Variants in SIN3A observed in about 807,000 individuals in gnomAD.
SIN3A encodes the protein SIN3 transcription regulator family member A.
SIN3A carries 14 observed loss-of-function variants against 146.1 expected under a neutral mutation model. The observed-to-expected ratio is 0.10, with a 90% CI of 0.06 to 0.15. The LOEUF (loss-of-function observed/expected upper bound fraction) is 0.15. Among genes scored for constraint, SIN3A ranks in the 10% least tolerant of loss-of-function variants. The pLI is 1.00. For synonymous variants in SIN3A, 572 were observed against 572.0 expected, an observed-to-expected ratio of 1.00 and a Z score of 0.00; for missense variants, 1,028 against 1,576.0, an observed-to-expected ratio of 0.65 and a Z score of 5.89.
At chr15:75,442,120 C>CAAAAAAAAAAAAAAAAAAAAAAAA (rs57418865) in intron 1 of SIN3A, among the ~76,000 whole-genome samples, 1 of 29,278 alleles carries the variant, frequency 3.4e-5, no homozygotes, top group Non-Finnish European at 5.3e-5. Context: ...GACTCTGTCT[C>CAAAAAAAAAAAAAAAAAAAAAAAA]AAAAAAAAAA....
Position 75,371,902 on chromosome 15 carries a change from T to C in SIN3A, c.*77A>G, listed in dbSNP as rs1384189958. On this transcript the variant is annotated 3_prime_UTR_variant, in exon 21 of 21. Transcript: ENST00000394947. ...TGAGGCTTGAAAGGCATCTTCCTTG[T>C]TTCTTCAGTGTGTGAGTGCATAGGC... The C allele has an allele frequency of 3.0e-6, 4 of 1,314,210 alleles. No homozygotes were observed. Among genetic ancestry groups the C allele is most frequent in the African/African-American group, 1.5e-5 (1 of 68,798 alleles). The allele number at this position is 1,314,210 out of a possible 1,614,324, so 81.4% of individuals were successfully genotyped here. A position where few individuals can be genotyped will look rare whatever the true frequency, so the allele number is the denominator to read the frequency against.
chr15:75,439,482 A>AGGCGCCTGCCAC (rs2074162580), intron 1 of SIN3A, among the ~76,000 whole-genome samples: 2 of 151,864 alleles, frequency 1.3e-5, no homozygotes, highest in Non-Finnish European at 2.9e-5. Context: ...CTGGGACTAC[A>AGGCGCCTGCCAC]GGCGCCTGCC....
At chr15:75,404,020 A>T (rs2073462138) in intron 9 of SIN3A, among the ~76,000 whole-genome samples, 1 of 152,262 alleles carries the variant, frequency 6.6e-6, no homozygotes, top group South Asian at 2.1e-4. Flanking sequence ...GATCAATGGC[A>T]TAGACAAAGT....
At chr15:75,412,477 T>C (rs2073659006) in intron 5 of SIN3A, among the ~76,000 whole-genome samples, 1 of 152,232 alleles carries the variant, frequency 6.6e-6, no homozygotes, top group South Asian at 2.1e-4. Flanking sequence ...TGTCAACTAC[T>C]ACTACACAAA....
At chr15:75,448,200 GAA>G (rs2074341090) in intron 1 of SIN3A, 1 of 150,810 alleles carries the variant, frequency 6.6e-6, no homozygotes, top group East Asian at 1.9e-4. Flanking sequence ...AAAGACATGA[GAA>G]AAAAAGACAT....
In SIN3A at chr15:75,375,594, A is replaced by AGACTCTGGGCC. The variant is rs1169092345; in HGVS notation, c.3591+60_3591+70dup. On this transcript the variant is annotated intron_variant, in intron 20 of 20. Transcript: ENST00000394947. ...GCATAAACAAAGAAAAACAATCAGA[A>AGACTCTGGGCC]GACTCTGGGCCTCCCCTGGTCCTAG... 4.1e-6 allele frequency: 5 copies of AGACTCTGGGCC among 1,208,112 alleles called. No homozygotes were observed. In the East Asian group the frequency reaches 9.3e-5, roughly 23 times the overall value. The allele number at this position is 1,208,112 out of a possible 1,614,324, so 74.8% of individuals were successfully genotyped here.
intron 2 of SIN3A, among the ~76,000 whole-genome samples, chr15:75,426,198 A>G (rs1371858854): frequency 1.3e-5 from 2 of 152,210 alleles, no homozygotes; most frequent in African/African-American, 4.8e-5. Flanking sequence ...CCCAAGGTAA[A>G]CAAGCAACTT....
At chr15:75,441,981 G>A (rs945231097) in intron 1 of SIN3A, among the ~76,000 whole-genome samples, 1 of 151,562 alleles carries the variant, frequency 6.6e-6, no homozygotes, top group Non-Finnish European at 1.5e-5. Context: ...TTAGCTGGGT[G>A]CAGTGGCACG....
chr15:75,374,747 C>T (rs1426102952), intron 20 of SIN3A, among the ~76,000 whole-genome samples: 1 of 152,214 alleles, frequency 6.6e-6, no homozygotes, highest in Non-Finnish European at 1.5e-5. Context: ...AAACACCCAT[C>T]CTCTACTCTT....
intron 1 of SIN3A, among the ~76,000 whole-genome samples, chr15:75,431,570 C>T (rs538724714): frequency 6.6e-6 from 1 of 152,128 alleles, no homozygotes; most frequent in Admixed American, 6.5e-5. Context: ...TAAGATACCA[C>T]TGCTATGGAA....
At chr15:75,374,158 C>T (rs749422493) in intron 20 of SIN3A, among the ~76,000 whole-genome samples, 3 of 152,120 alleles carry the variant, frequency 2.0e-5, no homozygotes, top group Non-Finnish European at 4.4e-5. Flanking sequence ...TTTTGCTTAC[C>T]CCCACATTTG....
intron 3 of SIN3A, among the ~76,000 whole-genome samples, chr15:75,416,832 G>A (rs2073746433): frequency 6.6e-6 from 1 of 152,238 alleles, no homozygotes; most frequent in Non-Finnish European, 1.5e-5. Context: ...CCACTGAAAT[G>A]GCAGCCCTCA....
In SIN3A at chr15:75,422,725, G is replaced by A. The variant is rs1241493783; in HGVS notation, c.288C>T (p.Gly96=). The part of the protein sequence containing the change: ...HHPTAVQPHG[G]QVVQSHAHPA... ...GATGAGCATGACTCTGGACCACCTG[G>A]CCTCCGTGGGGCTGCACCGCTGTTG... is the stretch of plus-strand genomic sequence containing the variant. Residue 96 remains glycine (G), a synonymous_variant, in exon 3 of 21, where the codon GGC becomes GGT. Transcript: ENST00000394947. 1.2e-6 allele frequency: 2 copies of A among 1,614,184 alleles called. No individual in the cohort carries two copies. Among genetic ancestry groups the A allele is most frequent in the East Asian group, 4.5e-5 (2 of 44,880 alleles).
chr15:75,404,970 C>A (rs1295329098), intron 9 of SIN3A, among the ~76,000 whole-genome samples: 1 of 151,522 alleles, frequency 6.6e-6, no homozygotes, highest in Admixed American at 6.6e-5. Context: ...ACATTGAGAC[C>A]CCCTCTCTCC....
intron 15 of SIN3A, among the ~76,000 whole-genome samples, chr15:75,391,674 G>A (rs1443313706): frequency 2.0e-5 from 3 of 152,138 alleles, no homozygotes; most frequent in Admixed American, 6.5e-5. Context: ...ACAGCGTCCT[G>A]AACCCTCACT....
chr15:75,435,481 T>G (rs964486685), intron 1 of SIN3A, among the ~76,000 whole-genome samples: 2 of 152,170 alleles, frequency 1.3e-5, no homozygotes, highest in Non-Finnish European at 2.9e-5. Context: ...GTGGATCACC[T>G]GAGTTTGGGA....
At position 75,370,152 on chromosome 15, in the gene SIN3A, T is replaced by G. The variant is rs909044537; in HGVS notation, c.*1827A>C. ...ACTCAGGAGGCCGAGGTGGGAGGAC[T>G]GCTTGAGCCTGGGAGGTCAAGCCTG... is the stretch of plus-strand genomic sequence containing the variant. On this transcript the variant is annotated 3_prime_UTR_variant, in exon 21 of 21. Coordinates refer to ENST00000394947, the MANE Select transcript of SIN3A (RefSeq NM_001145358.2). The G allele has an allele frequency of 6.6e-6, 1 of 152,536 alleles. No homozygotes were observed. Among genetic ancestry groups the G allele is most frequent in the Non-Finnish European group, 1.5e-5 (1 of 68,120 alleles). The allele number at this position is 152,536 out of a possible 1,614,324, so 9.4% of individuals were successfully genotyped here. A position where few individuals can be genotyped will look rare whatever the true frequency, so the allele number is the denominator to read the frequency against.
At chr15:75,384,223 T>C (rs776413516) in intron 17 of SIN3A, 41 bp downstream of exon 17, 36 of 1,521,350 alleles carry the variant, frequency 2.4e-5, no homozygotes, top group African/African-American at 1.1e-4. Context: ...ACAACTGACA[T>C]TGTCACCAGC....
chr15:75,448,007 C>G (rs1184413250), intron 1 of SIN3A: 1 of 151,926 alleles, frequency 6.6e-6, no homozygotes, highest in Non-Finnish European at 1.5e-5. Flanking sequence ...GACTTCACCT[C>G]TATAAAAATA....
Sources: gnomAD v4.1 joint callset for allele counts (sites outside exome capture counted in the v4.1 genomes callset) on GRCh38, gnomAD v4.1.1 for gene constraint, MANE v1.5 for transcripts, NCBI Gene and HGNC (gene_info 2026-07-23, HGNC 2026-07-21) for gene names.